Variants in CYP2C8 observed in about 807,000 individuals in gnomAD.
CYP2C8 encodes cytochrome P450 family 2 subfamily C member 8.
Under a neutral mutation model 41.3 loss-of-function variants are expected in CYP2C8, and 51 were observed. The observed-to-expected ratio is 1.24, with a 90% CI of 0.99 to 1.56. The LOEUF (loss-of-function observed/expected upper bound fraction) is 1.56. Ranked by LOEUF, CYP2C8 falls within the 40% of genes most tolerant of loss-of-function variation. The pLI is 0.00. For synonymous variants in CYP2C8, 218 were observed against 205.8 expected (o/e 1.06, Z -0.51); for missense variants, 651 against 579.9 (o/e 1.12, Z -1.26).
chr10:95,061,713 T>C (rs1350971162), intron 4 of CYP2C8, among the ~76,000 whole-genome samples: 1 of 152,206 alleles, frequency 6.6e-6, no homozygotes, highest in Non-Finnish European at 1.5e-5. Context: ...GCTTCTCTAG[T>C]TCTTTCAATT....
At chr10:95,040,185 T>C (rs1369792862) in intron 7 of CYP2C8, among the ~76,000 whole-genome samples, 1 of 152,190 alleles carries the variant, frequency 6.6e-6, no homozygotes, top group African/African-American at 2.4e-5. Flanking sequence ...AGTGTGACTA[T>C]TATTGTGTAA....
chr10:95,069,116 T>G, intron 1 of CYP2C8, 119 bp downstream of exon 1: 1 of 1,114,786 alleles, frequency 9.0e-7, no homozygotes, highest in South Asian at 1.3e-5. Flanking sequence ...TCAGAGGGAG[T>G]ATTTTGCTTT....
intron 4 of CYP2C8, among the ~76,000 whole-genome samples, chr10:95,061,791 C>T (rs2033442292): frequency 2.0e-5 from 3 of 152,140 alleles, no homozygotes. Flanking sequence ...CTATAAATTT[C>T]CCTCTACACA....
chr10:95,044,017 A>G (rs1564734782), intron 6 of CYP2C8, among the ~76,000 whole-genome samples: 1 of 152,184 alleles, frequency 6.6e-6, no homozygotes, highest in Non-Finnish European at 1.5e-5. Context: ...ATCTCAGACT[A>G]TCAATCACAT....
intron 4 of CYP2C8, among the ~76,000 whole-genome samples, chr10:95,062,713 TTGA>T (rs1184712992): frequency 6.6e-6 from 1 of 152,224 alleles, no homozygotes; most frequent in Non-Finnish European, 1.5e-5. Context: ...TGCTCGTTAG[TTGA>T]TGCAGTTTCT....
intron 8 of CYP2C8, among the ~76,000 whole-genome samples, chr10:95,038,350 C>T (rs947191216): frequency 6.6e-6 from 1 of 152,200 alleles, no homozygotes; most frequent in African/African-American, 2.4e-5. Flanking sequence ...GAGCAAGAAG[C>T]ATGCAGAGTC....
At chr10:95,066,330 G>A (rs1167627522) in intron 3 of CYP2C8, among the ~76,000 whole-genome samples, 5 of 151,944 alleles carry the variant, frequency 3.3e-5, no homozygotes, top group Non-Finnish European at 7.4e-5. Context: ...TTGGCAGTGG[G>A]AGAAAAATGA....
intron 4 of CYP2C8, among the ~76,000 whole-genome samples, chr10:95,059,314 TG>T (rs1467881315): frequency 2.0e-5 from 3 of 152,336 alleles, no homozygotes; most frequent in Admixed American, 6.5e-5. Flanking sequence ...TGTTGTTTCC[TG>T]ACTTTTTAAT....
chr10:95,037,004 A>G lies in CYP2C8; in HGVS notation c.*124T>C, dbSNP rs1205392716. On this transcript the variant is annotated 3_prime_UTR_variant, in exon 9 of 9. Transcript: ENST00000371270. ...TCTCCTTAATGGAGTTTGGATGCTT[A>G]TGGGATATTGAGTGAATGGGAAGAT... 1.8e-5 allele frequency: 16 copies of G among 894,194 alleles called. No individual in the cohort carries two copies. The Admixed American group carries it at 3.1e-4, about 17-fold the overall frequency. 55.4% of individuals were successfully genotyped at this position (894,194 alleles called of 1,614,324 possible).
At chr10:95,058,579 T>A (rs2033358491) in intron 4 of CYP2C8, 68 bp from the exon 5 acceptor site, 3 of 1,373,726 alleles carry the variant, frequency 2.2e-6, no homozygotes, top group Non-Finnish European at 3.0e-6. Flanking sequence ...CAAGCCCTGA[T>A]TGAAATTATA....
chr10:95,043,136 C>T, intron 6 of CYP2C8, 59 bp from the exon 7 acceptor site: 1 of 1,467,634 alleles, frequency 6.8e-7, no homozygotes, highest in Admixed American at 1.7e-5. Context: ...TTTGTCATAG[C>T]AATTCATGGC....
At chr10:95,051,066 T>TATATAAGATA (rs2033206656) in intron 5 of CYP2C8, among the ~76,000 whole-genome samples, 1 of 152,298 alleles carries the variant, frequency 6.6e-6, no homozygotes, top group African/African-American at 2.4e-5. Context: ...ATAAGATAGT[T>TATATAAGATA]GTTTTGAGGA....
chr10:95,058,420 C>G lies in CYP2C8; in HGVS notation c.734G>C (p.Arg245Thr). ...TGCTTGGTGTTCTTTTACTTTCTCCCTAATGTAACTTCGTGTAAGAGCAAC... is the reference window on the plus strand; with the variant it reads ...TGCTTGGTGTTCTTTTACTTTCTCCGTAATGTAACTTCGTGTAAGAGCAAC... Reference protein sequence around the residue: ...KNVALTRSYIREKVKEHQASL... With the variant: ...KNVALTRSYITEKVKEHQASL... Residue 245 changes from arginine (R) to threonine (T), a missense_variant, in exon 5 of 9, where the codon AGG becomes ACG. Coordinates refer to ENST00000371270, the MANE Select transcript of CYP2C8 (RefSeq NM_000770.3). 1.2e-6 allele frequency: 2 copies of G among 1,613,488 alleles called. No individual in the cohort carries two copies. Among genetic ancestry groups the G allele is most frequent in the South Asian group, 2.2e-5 (2 of 91,066 alleles).
chr10:95,049,165 C>G (rs1381603834), intron 5 of CYP2C8, among the ~76,000 whole-genome samples: 1 of 152,024 alleles, frequency 6.6e-6, no homozygotes, highest in African/African-American at 2.4e-5. Context: ...ACAACATGAA[C>G]AGAAATTTCT....
chr10:95,059,845 T>C (rs945933294), intron 4 of CYP2C8, among the ~76,000 whole-genome samples: 1 of 152,230 alleles, frequency 6.6e-6, no homozygotes, highest in Non-Finnish European at 1.5e-5. Flanking sequence ...GGGATCCAGT[T>C]TCAGCTTTCT....
chr10:95,048,362 G>A (rs759680262), intron 5 of CYP2C8, among the ~76,000 whole-genome samples: 1 of 152,178 alleles, frequency 6.6e-6, no homozygotes, highest in African/African-American at 2.4e-5. Flanking sequence ...ACAAAGGAGG[G>A]CAATGTTGAA....
At chr10:95,037,779 A>AAC (rs1250438047) in intron 8 of CYP2C8, among the ~76,000 whole-genome samples, 1 of 152,182 alleles carries the variant, frequency 6.6e-6, no homozygotes, top group Non-Finnish European at 1.5e-5. Flanking sequence ...ATCAATCTTG[A>AAC]ACACACCATG....
At chr10:95,059,021 A>C (rs943997368) in intron 4 of CYP2C8, among the ~76,000 whole-genome samples, 2 of 151,986 alleles carry the variant, frequency 1.3e-5, no homozygotes, top group Admixed American at 1.3e-4. Context: ...TATGTGCCAC[A>C]TTTTCTTAAT....
In CYP2C8 at chr10:95,043,063, C is replaced by T. The variant is rs1253663790; in HGVS notation, c.976G>A (p.Glu326Lys). Residue 326 changes from glutamate to lysine, a missense_variant, in exon 7 of 9, where the codon GAG becomes AAG. Transcript: ENST00000371270. The stretch of plus-strand genomic sequence containing the variant: ...TGTCTGCCAATTACATGATCAATCT[C>T]TTCCTGGACTTTAGCTGACAAGACA... The part of the protein sequence containing the change: ...HPEVTAKVQE[E>K]IDHVIGRHRS... 3 of 1,614,164 alleles carry T rather than the reference C, an allele frequency of 1.9e-6. No individual in the cohort carries two copies. Among genetic ancestry groups the T allele is most frequent in the South Asian group, 1.1e-5 (1 of 91,088 alleles).
Sources: gnomAD v4.1 joint callset for allele counts (sites outside exome capture counted in the v4.1 genomes callset) on GRCh38, gnomAD v4.1.1 for gene constraint, MANE v1.5 for transcripts, NCBI Gene and HGNC (gene_info 2026-07-23, HGNC 2026-07-21) for gene names.